Variants in SMOC2 observed in about 807,000 individuals in gnomAD.
SMOC2 encodes SPARC related modular calcium binding 2.
A neutral mutation model predicts 61.4 loss-of-function variants in SMOC2; 39 were observed. That is an observed-to-expected ratio of 0.64 (90% CI 0.49 to 0.83). SMOC2 has a LOEUF of 0.83. SMOC2 is among the 40% of genes least tolerant of loss of function. The pLI, the probability that SMOC2 is intolerant of heterozygous loss-of-function variation, is 0.00. For synonymous variants in SMOC2, 247 were observed against 239.9 expected (o/e 1.03, Z -0.27); for missense variants, 556 against 592.9 (o/e 0.94, Z 0.65).
At chr6:168,581,454 C>T (rs1784915879) in intron 7 of SMOC2, among the ~76,000 whole-genome samples, 1 of 152,190 alleles carries the variant, frequency 6.6e-6, no homozygotes, top group Non-Finnish European at 1.5e-5. Context: ...CAGCCAAGCA[C>T]CTGCCACCTG....
chr6:168,505,521 C>T (rs538687112), intron 1 of SMOC2, among the ~76,000 whole-genome samples: 13 of 151,178 alleles, frequency 8.6e-5, no homozygotes, highest in Non-Finnish European at 1.3e-4. Flanking sequence ...GGATGAATGA[C>T]TGAATGAAAT....
chr6:168,479,911 C>A (rs1326248715), intron 1 of SMOC2, among the ~76,000 whole-genome samples: 1 of 152,054 alleles, frequency 6.6e-6, no homozygotes, highest in Non-Finnish European at 1.5e-5. Context: ...CTTTTTCCTC[C>A]TTGGAAGCCA....
chr6:168,646,309 C>G (rs1378571639), intron 9 of SMOC2, among the ~76,000 whole-genome samples: 3 of 152,176 alleles, frequency 2.0e-5, no homozygotes, highest in Non-Finnish European at 4.4e-5. Flanking sequence ...TGCTGTTATC[C>G]AGTGGTCTCT....
chr6:168,558,802 C>T (rs367895289), intron 7 of SMOC2, among the ~76,000 whole-genome samples: 17 of 132,142 alleles, frequency 1.3e-4, no homozygotes, highest in East Asian at 1.2e-3. Context: ...TGTGCGTGTG[C>T]GCATGTGTGT....
At chr6:168,597,463 C>T (rs1785362098) in intron 7 of SMOC2, among the ~76,000 whole-genome samples, 1 of 152,108 alleles carries the variant, frequency 6.6e-6, no homozygotes, top group African/African-American at 2.4e-5. Flanking sequence ...GTCAATATGC[C>T]ACACTGCACC....
chr6:168,608,458 G>C (rs1457197480), intron 9 of SMOC2, among the ~76,000 whole-genome samples: 1 of 152,210 alleles, frequency 6.6e-6, no homozygotes, highest in Non-Finnish European at 1.5e-5. Context: ...CCCTGCTGCT[G>C]TGTATGGAAG....
intron 8 of SMOC2, among the ~76,000 whole-genome samples, chr6:168,599,473 CCA>C (rs961486716): frequency 5.2e-5 from 6 of 115,148 alleles, no homozygotes; most frequent in African/African-American, 2.1e-4. Context: ...CCACTCACAC[CCA>C]CACACAATCA....
At chr6:168,491,649 A>G (rs751349678) in intron 1 of SMOC2, among the ~76,000 whole-genome samples, 19 of 152,222 alleles carry the variant, frequency 1.2e-4, no homozygotes, top group Non-Finnish European at 2.4e-4. Flanking sequence ...CCAAAACATT[A>G]ATTTGATACT....
chr6:168,656,910 C>G (rs1256030507), intron 11 of SMOC2, among the ~76,000 whole-genome samples: 5 of 152,260 alleles, frequency 3.3e-5, no homozygotes, highest in African/African-American at 1.2e-4. Flanking sequence ...CCTCCCTTCG[C>G]TCTGTATGCA....
intron 1 of SMOC2, among the ~76,000 whole-genome samples, chr6:168,466,063 G>T (rs1781824519): frequency 1.6e-5 from 2 of 121,794 alleles, no homozygotes; most frequent in Non-Finnish European, 3.5e-5. Flanking sequence ...GGAACTGGGG[G>T]GCTCTGGATG....
chr6:168,571,622 T>C (rs1270697279), intron 7 of SMOC2, among the ~76,000 whole-genome samples: 2 of 152,170 alleles, frequency 1.3e-5, no homozygotes, highest in Non-Finnish European at 2.9e-5. Context: ...ATACTGTGTG[T>C]AGTATTTTGG....
intron 7 of SMOC2, among the ~76,000 whole-genome samples, chr6:168,563,886 C>G (rs1784483030): frequency 6.6e-6 from 1 of 152,110 alleles, no homozygotes; most frequent in African/African-American, 2.4e-5. Context: ...GCAAGCAGAG[C>G]TCTGCGTCTC....
At chr6:168,451,589 CTCTGTCTCTG>C (rs1781464185) in intron 1 of SMOC2, among the ~76,000 whole-genome samples, 1 of 116,672 alleles carries the variant, frequency 8.6e-6, no homozygotes, top group Non-Finnish European at 1.7e-5. Context: ...CTCTGTCTCT[CTCTGTCTCTG>C]TCTCTCTCTC....
Position 168,441,310 on chromosome 6 carries a change from C to A in SMOC2, c.-61C>A. On this transcript the variant is annotated 5_prime_UTR_variant, in exon 1 of 13. Coordinates refer to ENST00000356284, the MANE Select transcript of SMOC2 (RefSeq NM_001166412.2). ...AGCCGCGCTCGCCCACTGGGCTCTC[C>A]CGGCTGCAGTGCCAGGGCGCAGGAC... The A allele has an allele frequency of 6.8e-7, 1 of 1,473,720 alleles. No individual in the cohort carries two copies. Among genetic ancestry groups the A allele is most frequent in the Non-Finnish European group, 8.9e-7 (1 of 1,120,344 alleles). 91.3% of individuals were successfully genotyped at this position (1,473,720 alleles called of 1,614,324 possible).
At chr6:168,552,191 T>C (rs974984305) in intron 7 of SMOC2, among the ~76,000 whole-genome samples, 7 of 152,194 alleles carry the variant, frequency 4.6e-5, no homozygotes, top group African/African-American at 9.6e-5. Context: ...TAATATTTAA[T>C]TTATTAAGTT....
intron 12 of SMOC2, among the ~76,000 whole-genome samples, chr6:168,666,120 A>C (rs1284331747): frequency 6.6e-6 from 1 of 152,240 alleles, no homozygotes; most frequent in East Asian, 1.9e-4. Flanking sequence ...TTGTATAATC[A>C]AGGTGATAAG....
Position 168,667,504 on chromosome 6 carries a change from G to A in SMOC2, c.*1066G>A, listed in dbSNP as rs977526238. The stretch of plus-strand genomic sequence containing the variant: ...TCAAGGGTACGAGAACTTGCCAATG[G>A]GAAATTCATCCGAGTGGCACTGGCA... On this transcript the variant is annotated 3_prime_UTR_variant, in exon 13 of 13. Transcript: ENST00000356284. 1 of 152,164 alleles carries A rather than the reference G, an allele frequency of 6.6e-6. No homozygotes were observed. The highest frequency in any genetic ancestry group is 2.4e-5 in the African/African-American group (1 of 41,418). 9.4% of individuals were successfully genotyped at this position (152,164 alleles called of 1,614,324 possible).
intron 7 of SMOC2, among the ~76,000 whole-genome samples, chr6:168,567,787 T>C (rs1190114777): frequency 6.6e-6 from 1 of 152,034 alleles, no homozygotes; most frequent in Non-Finnish European, 1.5e-5. Context: ...TGTCTCACAT[T>C]AGAATTTAGT....
intron 1 of SMOC2, among the ~76,000 whole-genome samples, chr6:168,497,990 A>T (rs759930289): frequency 1.1e-4 from 16 of 152,114 alleles, no homozygotes; most frequent in Non-Finnish European, 2.4e-4. Flanking sequence ...TCGTACTTTT[A>T]ACTCACGGGA....
Sources: gnomAD v4.1 joint callset for allele counts (sites outside exome capture counted in the v4.1 genomes callset) on GRCh38, gnomAD v4.1.1 for gene constraint, MANE v1.5 for transcripts, NCBI Gene and HGNC (gene_info 2026-07-23, HGNC 2026-07-21) for gene names.